The following MRTFA variants were observed in gnomAD, a reference collection of about 807,000 sequenced individuals.
The protein encoded by MRTFA is myocardin related transcription factor A.
In MRTFA, 20 loss-of-function variants were observed where a neutral mutation model predicts 83.5. The ratio of observed to expected loss-of-function variants is 0.24; its 90% CI spans 0.17 to 0.35. The LOEUF is 0.35. Among genes scored for constraint, MRTFA ranks in the 10% least tolerant of loss-of-function variants. MRTFA has a pLI of 1.00. For missense variants in MRTFA, 1,200 were observed against 1,224.7 expected (o/e 0.98, Z 0.30); for synonymous variants, 659 against 541.2 (o/e 1.22, Z -3.02).
intron 3 of MRTFA, among the ~76,000 whole-genome samples, chr22:40,483,745 A>G (rs1346501400): frequency 6.6e-6 from 1 of 151,998 alleles, no homozygotes; most frequent in Non-Finnish European, 1.5e-5. Context: ...GCCAGGATGG[A>G]GTACAGTGGT....
At chr22:40,538,411 A>G (rs370655357) in intron 3 of MRTFA, among the ~76,000 whole-genome samples, 1 of 150,684 alleles carries the variant, frequency 6.6e-6, no homozygotes, top group East Asian at 1.9e-4. Flanking sequence ...ATCTCAAGCA[A>G]TCAGGGACAC....
intron 2 of MRTFA, among the ~76,000 whole-genome samples, chr22:40,586,501 G>C (rs1318558512): frequency 1.3e-5 from 2 of 152,100 alleles, no homozygotes; most frequent in Non-Finnish European, 2.9e-5. Context: ...AGAATCTTCA[G>C]GAAAATACCT....
intron 3 of MRTFA, among the ~76,000 whole-genome samples, chr22:40,509,216 T>C (rs1344504330): frequency 6.6e-6 from 1 of 152,144 alleles, no homozygotes; most frequent in African/African-American, 2.4e-5. Flanking sequence ...TAAGCAGAGG[T>C]GGTCACATTC....
intron 2 of MRTFA, among the ~76,000 whole-genome samples, chr22:40,577,115 T>G (rs1289452591): frequency 6.6e-6 from 1 of 151,570 alleles, no homozygotes; most frequent in Non-Finnish European, 1.5e-5. Context: ...CCCAGTTACT[T>G]GGGTTGCTGA....
At chr22:40,604,268 C>T (rs1007441125) in intron 1 of MRTFA, among the ~76,000 whole-genome samples, 1 of 151,772 alleles carries the variant, frequency 6.6e-6, no homozygotes, top group African/African-American at 2.4e-5. Flanking sequence ...GTAGCTGGGA[C>T]TACAGGCGCC....
At chr22:40,434,875 C>A (rs925968881) in intron 5 of MRTFA, among the ~76,000 whole-genome samples, 1 of 152,106 alleles carries the variant, frequency 6.6e-6, no homozygotes, top group Non-Finnish European at 1.5e-5. Context: ...CATCTCTACC[C>A]ACACTGGGCA....
chr22:40,595,841 G>A (rs1409490996), intron 1 of MRTFA, among the ~76,000 whole-genome samples: 1 of 138,808 alleles, frequency 7.2e-6, no homozygotes, highest in African/African-American at 2.6e-5. Flanking sequence ...AACAGAGACA[G>A]AATCAATGGT....
chr22:40,516,451 GAA>G (rs370873637), intron 3 of MRTFA, among the ~76,000 whole-genome samples: 1 of 115,288 alleles, frequency 8.7e-6, no homozygotes, highest in Non-Finnish European at 1.9e-5. Flanking sequence ...AAAGGAAAAA[GAA>G]AAAAAAAAAA....
chr22:40,480,727 G>A (rs1042312042), intron 3 of MRTFA, among the ~76,000 whole-genome samples: 2 of 148,482 alleles, frequency 1.3e-5, no homozygotes, highest in African/African-American at 2.5e-5. Context: ...GGAGGATCAC[G>A]CCCAGGAGTT....
At chr22:40,590,657 A>C (rs1015736421) in intron 2 of MRTFA, among the ~76,000 whole-genome samples, 5 of 150,764 alleles carry the variant, frequency 3.3e-5, no homozygotes, top group African/African-American at 1.2e-4. Context: ...TGTGTAACAG[A>C]ACAAGACTCT....
Position 40,450,622 on chromosome 22 carries a change from A to ATT in MRTFA, c.307+12597_307+12598dup, listed in dbSNP as rs55638738. ...AGGCGCCTGCCACCACAGCTGGCTA[A>ATT]TTTTTTTTTTTTTAAAGTAGAAACA... On this transcript the variant is annotated intron_variant, in intron 4 of 14. Coordinates refer to ENST00000355630, the MANE Select transcript of MRTFA (RefSeq NM_020831.6). Among the ~76,000 whole-genome samples, 452 of 146,094 alleles carry ATT rather than the reference A, an allele frequency of 3.1e-3. 1 individual carries two copies. The highest frequency in any genetic ancestry group is 0.021 in the Middle Eastern group (6 of 286).
intron 2 of MRTFA, 141 bp downstream of exon 2, chr22:40,594,532 AG>A (rs2056164185): frequency 6.6e-6 from 1 of 152,176 alleles, no homozygotes; most frequent in Non-Finnish European, 1.5e-5. Flanking sequence ...GACCATCAGG[AG>A]GCACGATGAG....
chr22:40,621,049 T>C (rs1343128669), intron 1 of MRTFA, among the ~76,000 whole-genome samples: 3 of 151,772 alleles, frequency 2.0e-5, no homozygotes, highest in Non-Finnish European at 4.4e-5. Flanking sequence ...AGTCTGGTGG[T>C]GCATGCCTGT....
intron 3 of MRTFA, among the ~76,000 whole-genome samples, chr22:40,504,839 C>T (rs925340633): frequency 6.6e-6 from 1 of 152,168 alleles, no homozygotes; most frequent in Non-Finnish European, 1.5e-5. Flanking sequence ...CTCAGTCCCG[C>T]CACCCCTTCA....
chr22:40,507,972 CAAAAAAAAAAAA>C (rs11315930), intron 3 of MRTFA, among the ~76,000 whole-genome samples: 41 of 37,546 alleles, frequency 1.1e-3, no homozygotes, highest in African/African-American at 3.7e-3. Context: ...GACTCCACCT[CAAAAAAAAAAAA>C]AAAAAAAAAA....
At chr22:40,540,117 G>GCCC (rs1032065725) in intron 3 of MRTFA, among the ~76,000 whole-genome samples, 1 of 151,552 alleles carries the variant, frequency 6.6e-6, no homozygotes. Flanking sequence ...TCATCATGTT[G>GCCC]CCCAGGCTGC....
intron 2 of MRTFA, among the ~76,000 whole-genome samples, chr22:40,591,508 C>T (rs972565794): frequency 2.6e-5 from 4 of 152,000 alleles, no homozygotes; most frequent in Admixed American, 1.3e-4. Context: ...AGATTAAATC[C>T]GATGCAGAAC....
At chr22:40,545,315 T>C (rs997671111) in intron 3 of MRTFA, among the ~76,000 whole-genome samples, 4 of 152,326 alleles carry the variant, frequency 2.6e-5, no homozygotes, top group East Asian at 1.9e-4. Flanking sequence ...CCAGTAAAGA[T>C]TGGGTTAGCC....
At position 40,419,065 on chromosome 22, in the gene MRTFA, G is replaced by A. The variant is rs746194227; in HGVS notation, c.1673C>T (p.Ser558Leu). ...GCCCGTGCTGAGCAGTGAGCGCTCC[G>A]AGGGGGTGGGAGACACGGGGGGCGT... Residue 558 changes from serine (S) to leucine (L), a missense_variant, in exon 12 of 15, where the codon TCG (serine) becomes TTG (leucine). By Grantham distance (145) the Ser-to-Leu change is moderately radical. Around this residue, in one of 2 missense-constraint regions of MRTFA, gnomAD observed 1,107 missense variants for 1,041.8 expected, o/e 1.06. Coordinates refer to ENST00000355630, the MANE Select transcript of MRTFA (RefSeq NM_020831.6). 53 of 1,608,742 alleles carry A rather than the reference G, an allele frequency of 3.3e-5. No individual in the cohort carries two copies. Among genetic ancestry groups the A allele is most frequent in the African/African-American group, 2.7e-5 (2 of 74,778 alleles).
Sources: gnomAD v4.1 joint callset for allele counts (sites outside exome capture counted in the v4.1 genomes callset) on GRCh38, gnomAD v4.1.1 for gene constraint, gnomAD v4.1.1 regional missense constraint, MANE v1.5 for transcripts, NCBI Gene and HGNC (gene_info 2026-07-23, HGNC 2026-07-21) for gene names.